PRDM2: variants seen among roughly 807,000 people sequenced by gnomAD.
PRDM2 encodes PR domain zinc finger protein 2.
PRDM2 carries 30 observed loss-of-function variants against 130.0 expected under a neutral mutation model. That is an observed-to-expected ratio of 0.23 (90% CI 0.17 to 0.31). The LOEUF (loss-of-function observed/expected upper bound fraction) is 0.31, where lower values mean the gene tolerates loss of function less well. Among genes scored for constraint, PRDM2 ranks in the 10% least tolerant of loss-of-function variants. The probability of loss-of-function intolerance (pLI) is 1.00; values close to 1 mark genes in which losing one functional copy is unlikely to be tolerated. For synonymous variants in PRDM2, 871 were observed against 782.4 expected (o/e 1.11, Z -1.89); for missense variants, 2,011 against 2,108.4 (o/e 0.95, Z 0.90).
At chr1:13,796,115 A>G (rs916176565) in intron 8 of PRDM2, among the ~76,000 whole-genome samples, 33 of 152,316 alleles carry the variant, frequency 2.2e-4, no homozygotes, top group African/African-American at 6.0e-4. Flanking sequence ...TGAGGGTTCA[A>G]GGTAACCATC....
rs528159325 is a variant in PRDM2, at chr1:13,779,653, G to A, written c.1858G>A (p.Val620Ile). The A allele has an allele frequency of 1.2e-6, 2 of 1,614,034 alleles. No individual in the cohort carries two copies. Among genetic ancestry groups the A allele is most frequent in the African/African-American group, 2.7e-5 (2 of 75,028 alleles). ...AAATATAAAGACCACACAGGTCCCT[G>A]TAACAGAAGATCTTCCTAAAGAGCC... ...TQNIKTTQVP[V>I]TEDLPKEPLG... is the part of the protein sequence containing the mutation. The change falls in exon 8 of 10, where the codon GTA becomes ATA. Residue 620 changes from valine (V) to isoleucine (I), a missense_variant. By Grantham distance (29) the Val-to-Ile change is conservative. Coordinates refer to ENST00000311066, the MANE Select transcript of PRDM2 (RefSeq NM_001393986.1). This position sits in a 1 kb window ranked among gnomAD's most constrained non-coding sequence, Gnocchi z 4.9.
chr1:13,731,407 A>G (rs1392871633), intron 3 of PRDM2, among the ~76,000 whole-genome samples: 3 of 152,096 alleles, frequency 2.0e-5, no homozygotes, highest in Non-Finnish European at 4.4e-5. Flanking sequence ...CTCCCTGCTG[A>G]GCCTCACCCC....
chr1:13,759,651 G>A (rs1644048982), intron 6 of PRDM2, among the ~76,000 whole-genome samples: 1 of 152,174 alleles, frequency 6.6e-6, no homozygotes, highest in African/African-American at 2.4e-5. Context: ...GTTGGTCATA[G>A]CTGGGTCCCA....
At chr1:13,762,278 G>A (rs779233107) in intron 6 of PRDM2, among the ~76,000 whole-genome samples, 15 of 152,208 alleles carry the variant, frequency 9.9e-5, no homozygotes, top group Non-Finnish European at 2.2e-4. Flanking sequence ...CAAGGGCTGC[G>A]CAGCAGTGTT....
chr1:13,765,231 A>T (rs1293798145), intron 6 of PRDM2, among the ~76,000 whole-genome samples: 1 of 152,194 alleles, frequency 6.6e-6, no homozygotes, highest in Non-Finnish European at 1.5e-5. Context: ...ATGACATTTG[A>T]TGACTTCCAG....
chr1:13,784,380 A>G (rs1174139233), intron 8 of PRDM2, among the ~76,000 whole-genome samples: 2 of 152,228 alleles, frequency 1.3e-5, no homozygotes, highest in East Asian at 3.8e-4. Context: ...TCATTTTCAC[A>G]GATTGTACTA....
intron 7 of PRDM2, among the ~76,000 whole-genome samples, chr1:13,776,415 C>T (rs1557642722): frequency 6.6e-6 from 1 of 152,182 alleles, no homozygotes; most frequent in Admixed American, 6.5e-5. Flanking sequence ...ACTGTCGCGA[C>T]AGCAGCATTG....
chr1:13,725,377 G>GT (rs1043880069), intron 2 of PRDM2, among the ~76,000 whole-genome samples: 2 of 151,968 alleles, frequency 1.3e-5, no homozygotes, highest in African/African-American at 4.8e-5. Flanking sequence ...GCTAGTTTTT[G>GT]TTTTTTTAGT....
At position 13,803,793 on chromosome 1, in the gene PRDM2, C is replaced by T. The variant is rs1305531635; in HGVS notation, c.5037-12634C>T. Among the ~76,000 whole-genome samples, 1 of 152,172 alleles carries T rather than the reference C, an allele frequency of 6.6e-6. No homozygotes were observed. Among genetic ancestry groups the T allele is most frequent in the Non-Finnish European group, 1.5e-5 (1 of 68,028 alleles). ...ACTGGGTCATGTGTTACGAGCTTCT[C>T]ACATGCTGGGTATTTAGAGTTCAAC... is the stretch of plus-strand genomic sequence containing the variant. On this transcript the variant is annotated intron_variant, in intron 8 of 9. Coordinates refer to ENST00000311066, the MANE Select transcript of PRDM2 (RefSeq NM_001393986.1). The surrounding 1 kb of genome is among the most constrained non-coding windows in gnomAD (Gnocchi z 6.2).
intron 6 of PRDM2, among the ~76,000 whole-genome samples, chr1:13,750,391 T>C (rs142034800): frequency 6.6e-6 from 1 of 151,892 alleles, no homozygotes; most frequent in Non-Finnish European, 1.5e-5. Context: ...TGTTTTTTTG[T>C]TTTTTTGTTT....
intron 8 of PRDM2, among the ~76,000 whole-genome samples, chr1:13,802,397 G>A (rs1268860813): frequency 6.6e-6 from 1 of 152,122 alleles, no homozygotes; most frequent in African/African-American, 2.4e-5. Flanking sequence ...AGCAGAGGGC[G>A]CCACAGGGAG....
chr1:13,768,296 G>C (rs149760135), intron 6 of PRDM2, among the ~76,000 whole-genome samples: 3,861 of 151,630 alleles, frequency 0.025, 80 homozygotes, highest in South Asian at 0.038. Flanking sequence ...CACTAGCCAG[G>C]ATGGTCTCGA....
At chr1:13,773,601 C>T (rs191273693) in intron 7 of PRDM2, 7 of 152,494 alleles carry the variant, frequency 4.6e-5, no homozygotes, top group Admixed American at 3.3e-4. Flanking sequence ...GTAGTTCTAG[C>T]TACTTGACAG....
chr1:13,760,788 T>A (rs57692638), intron 6 of PRDM2, among the ~76,000 whole-genome samples: 17 of 152,152 alleles, frequency 1.1e-4, no homozygotes, highest in African/African-American at 3.6e-4. Context: ...CATCCCATTG[T>A]AATGGTGGGC....
chr1:13,778,250 A>G (rs1011495233), intron 7 of PRDM2, among the ~76,000 whole-genome samples, 168 bp from the exon 8 acceptor site: 2 of 152,248 alleles, frequency 1.3e-5, no homozygotes, highest in Non-Finnish European at 1.5e-5. Flanking sequence ...TTCATATCCA[A>G]TACAACTTTG....
chr1:13,758,759 A>G (rs891340614), intron 6 of PRDM2, among the ~76,000 whole-genome samples: 1 of 152,220 alleles, frequency 6.6e-6, no homozygotes, highest in Non-Finnish European at 1.5e-5. Context: ...CCTGAAATTT[A>G]AAAATATTTT....
chr1:13,713,187 C>T (rs1385286610), intron 1 of PRDM2, among the ~76,000 whole-genome samples: 1 of 151,926 alleles, frequency 6.6e-6, no homozygotes, highest in East Asian at 1.9e-4. Context: ...TTTTCTAAAG[C>T]GCTTTCATTT....
intron 6 of PRDM2, among the ~76,000 whole-genome samples, chr1:13,757,083 G>A (rs531417664): frequency 6.6e-6 from 1 of 152,294 alleles, no homozygotes; most frequent in South Asian, 2.1e-4. Context: ...TGTAAGAAGT[G>A]CCCACTTTAA....
chr1:13,716,159 A>G (rs977936619), intron 2 of PRDM2, among the ~76,000 whole-genome samples: 3 of 152,004 alleles, frequency 2.0e-5, no homozygotes, highest in African/African-American at 7.3e-5. Context: ...AGGGACATGG[A>G]TGAAATTGGA....
Sources: gnomAD v4.1 joint callset for allele counts (sites outside exome capture counted in the v4.1 genomes callset) on GRCh38, gnomAD v4.1.1 for gene constraint, Gnocchi (gnomAD v3.1) non-coding constraint, MANE v1.5 for transcripts, NCBI Gene and HGNC (gene_info 2026-07-23, HGNC 2026-07-21) for gene names.